Variants in CABCOCO1 observed in about 807,000 individuals in gnomAD.
The protein encoded by CABCOCO1 is ciliary associated calcium binding coiled-coil 1.
A neutral mutation model predicts 35.7 loss-of-function variants in CABCOCO1; 28 were observed. That is an observed-to-expected ratio of 0.78 (90% CI 0.58 to 1.07). The LOEUF is 1.07. Among genes scored for constraint, CABCOCO1 ranks in the 50% least tolerant of loss-of-function variants. CABCOCO1 has a pLI of 0.00. For synonymous variants in CABCOCO1, 95 were observed against 100.1 expected (o/e 0.95, Z 0.30); for missense variants, 326 against 309.2 (o/e 1.05, Z -0.41).
At chr10:61,666,970 A>ATTATATATAAATATAATTATAT (rs1839197394) in intron 1 of CABCOCO1, among the ~76,000 whole-genome samples, 1 of 141,332 alleles carries the variant, frequency 7.1e-6, no homozygotes, top group East Asian at 2.0e-4. Flanking sequence ...ATAATTATAT[A>ATTATATATAAATATAATTATAT]TTATATATAA....
chr10:61,688,155 T>C (rs1483262299), intron 4 of CABCOCO1, among the ~76,000 whole-genome samples: 1 of 152,056 alleles, frequency 6.6e-6, no homozygotes, highest in African/African-American at 2.4e-5. Flanking sequence ...AAGTTAAAAG[T>C]TGAAGGAAAA....
At chr10:61,683,137 C>A (rs1039959174) in intron 3 of CABCOCO1, among the ~76,000 whole-genome samples, 1 of 152,020 alleles carries the variant, frequency 6.6e-6, no homozygotes, top group African/African-American at 2.4e-5. Flanking sequence ...GTGATCTGCC[C>A]GCCTCAGCTT....
At chr10:61,683,732 C>T (rs1376930636) in intron 3 of CABCOCO1, among the ~76,000 whole-genome samples, 1 of 151,992 alleles carries the variant, frequency 6.6e-6, no homozygotes, top group East Asian at 1.9e-4. Flanking sequence ...ATTTGAGTGG[C>T]TTAATCTTTT....
At chr10:61,684,595 G>T (rs1478508122) in intron 3 of CABCOCO1, among the ~76,000 whole-genome samples, 1 of 152,160 alleles carries the variant, frequency 6.6e-6, no homozygotes, top group African/African-American at 2.4e-5. Flanking sequence ...TTTGGATGGT[G>T]GGGTCCACAT....
intron 5 of CABCOCO1, among the ~76,000 whole-genome samples, chr10:61,692,996 A>G (rs2131999082): frequency 6.6e-6 from 1 of 152,116 alleles, no homozygotes; most frequent in East Asian, 1.9e-4. Context: ...TTCAGAAAGA[A>G]CTCCCTTTTC....
In CABCOCO1 at chr10:61,672,750, A is replaced by C; in HGVS notation, c.164+15A>C. 2.0e-6 allele frequency: 2 copies of C among 984,542 alleles called. No homozygotes were observed. Among genetic ancestry groups the C allele is most frequent in the Non-Finnish European group, 2.4e-6 (2 of 829,122 alleles). The allele number at this position is 984,542 out of a possible 1,614,324, so 61.0% of individuals were successfully genotyped here. On this transcript the variant is annotated intron_variant, in intron 2 of 7. Coordinates refer to ENST00000648843, the MANE Select transcript of CABCOCO1 (RefSeq NM_001366906.2). ...GGAGTTCAAGAGTAAGCACTTCACT[A>C]TTACAATCACATGTAGAAGAACAGT...
At chr10:61,721,036 C>A (rs558566375) in intron 5 of CABCOCO1, among the ~76,000 whole-genome samples, 1 of 147,322 alleles carries the variant, frequency 6.8e-6, no homozygotes, top group Non-Finnish European at 1.5e-5. Flanking sequence ...GCCATTCTCC[C>A]GCCTCAGCCT....
intron 5 of CABCOCO1, among the ~76,000 whole-genome samples, chr10:61,696,563 T>C (rs1485810143): frequency 6.6e-6 from 1 of 152,110 alleles, no homozygotes; most frequent in East Asian, 1.9e-4. Context: ...AGTCATGTGA[T>C]TATAGCTCAC....
intron 5 of CABCOCO1, chr10:61,701,683 T>C (rs1375275882): frequency 1.0e-6 from 1 of 985,058 alleles, no homozygotes; most frequent in Admixed American, 6.2e-5. Flanking sequence ...TTTTCAGTCT[T>C]TTCTAGGGTG....
chr10:61,728,976 C>A (rs944582213), intron 5 of CABCOCO1, among the ~76,000 whole-genome samples: 2 of 151,872 alleles, frequency 1.3e-5, no homozygotes, highest in African/African-American at 4.8e-5. Context: ...GGGAACTGGG[C>A]AAAAAAGTAA....
chr10:61,716,447 G>A (rs1413836743), intron 5 of CABCOCO1, among the ~76,000 whole-genome samples: 1 of 152,036 alleles, frequency 6.6e-6, no homozygotes, highest in Non-Finnish European at 1.5e-5. Flanking sequence ...GGGAGTGACA[G>A]GGAATTTGCA....
At chr10:61,744,585 A>G (rs1252164047) in intron 5 of CABCOCO1, among the ~76,000 whole-genome samples, 1 of 152,180 alleles carries the variant, frequency 6.6e-6, no homozygotes, top group African/African-American at 2.4e-5. Context: ...TAGTTCTCAA[A>G]TAACCACATA....
intron 1 of CABCOCO1, among the ~76,000 whole-genome samples, chr10:61,666,181 A>T (rs1431035833): frequency 6.6e-6 from 1 of 152,194 alleles, no homozygotes; most frequent in Non-Finnish European, 1.5e-5. Context: ...CTCTCTCTAC[A>T]TTGGGTCGTC....
chr10:61,711,076 A>G (rs1246698281), intron 5 of CABCOCO1, among the ~76,000 whole-genome samples: 1 of 152,056 alleles, frequency 6.6e-6, no homozygotes, highest in Non-Finnish European at 1.5e-5. Context: ...TGGGATAAAT[A>G]GAAATAAATA....
At chr10:61,709,591 C>T (rs184559313) in intron 5 of CABCOCO1, among the ~76,000 whole-genome samples, 1 of 151,652 alleles carries the variant, frequency 6.6e-6, no homozygotes, top group Admixed American at 6.6e-5. Context: ...AAAAGAAATG[C>T]CAATAACCAC....
chr10:61,668,483 TC>T (rs530238673), intron 1 of CABCOCO1, among the ~76,000 whole-genome samples: 51 of 152,154 alleles, frequency 3.4e-4, no homozygotes, highest in African/African-American at 1.2e-3. Flanking sequence ...AAAGCAGACT[TC>T]CGGTTTAGTT....
chr10:61,758,566 T>A (rs1318666863), intron 5 of CABCOCO1, among the ~76,000 whole-genome samples: 2 of 152,076 alleles, frequency 1.3e-5, no homozygotes. Context: ...CCTAACAGAA[T>A]AAAAATTAAG....
chr10:61,684,127 C>A (rs1319801555), intron 3 of CABCOCO1, among the ~76,000 whole-genome samples: 7 of 151,986 alleles, frequency 4.6e-5, no homozygotes, highest in Admixed American at 4.6e-4. Flanking sequence ...GAGAAATGTA[C>A]AATAATAATT....
chr10:61,688,485 A>G (rs1030751687), intron 4 of CABCOCO1, among the ~76,000 whole-genome samples: 2 of 152,226 alleles, frequency 1.3e-5, no homozygotes, highest in African/African-American at 4.8e-5. Context: ...GTACTGGCAA[A>G]TCTAGTTGTA....
Sources: gnomAD v4.1 joint callset for allele counts (sites outside exome capture counted in the v4.1 genomes callset) on GRCh38, gnomAD v4.1.1 for gene constraint, MANE v1.5 for transcripts, NCBI Gene and HGNC (gene_info 2026-07-23, HGNC 2026-07-21) for gene names.